PPM1G: variants seen among roughly 807,000 people sequenced by gnomAD.
The protein encoded by PPM1G is protein phosphatase, Mg2+/Mn2+ dependent 1G, also known as protein phosphatase 1G.
Under a neutral mutation model 59.4 loss-of-function variants are expected in PPM1G, and 12 were observed. That is an observed-to-expected ratio of 0.20 (90% confidence interval 0.13 to 0.33). The LOEUF is 0.33. PPM1G is among the 10% of genes least tolerant of loss of function. PPM1G has a pLI of 1.00. For missense variants in PPM1G, 392 were observed against 681.3 expected (o/e 0.58, Z 4.73); for synonymous variants, 245 against 251.9 (o/e 0.97, Z 0.26).
At chr2:27,390,749 C>T (rs1000926099) in intron 1 of PPM1G, among the ~76,000 whole-genome samples, 2 of 152,072 alleles carry the variant, frequency 1.3e-5, no homozygotes, top group East Asian at 1.9e-4. Flanking sequence ...TGACTGAACC[C>T]GTTTCCCAGG....
At position 27,384,190 on chromosome 2, in the gene PPM1G, C is replaced by A; in HGVS notation, c.826-98G>T. 6.4e-7 allele frequency: 1 copy of A among 1,552,654 alleles called. No homozygotes were observed. The highest frequency in any genetic ancestry group is 8.7e-7 in the Non-Finnish European group (1 of 1,147,140). Reference sequence around the variant, plus strand: ...CAAGAGGTCCTGACTGAACACAGGTCCTCAAAACACTGAAAGATACAAGTA... The same window carrying A: ...CAAGAGGTCCTGACTGAACACAGGTACTCAAAACACTGAAAGATACAAGTA... On this transcript the variant is annotated intron_variant, in intron 5 of 9. Transcript: ENST00000344034. The surrounding 1 kb of genome is among the most constrained non-coding windows in gnomAD (Gnocchi z 4.8).
Position 27,409,362 on chromosome 2 carries a change from G to C in PPM1G, c.61C>G (p.Pro21Ala). ...VKCSGDGVGA[P>A]RLPLPYGFSA... ...AAGCCGTAGGGCAGCGGCAGGCGCG[G>C]GGCGCCGACCCCGTCCCCGGAGCAC... The change falls in exon 1 of 10, where the codon CCG (proline) becomes GCG (alanine). Residue 21 changes from proline to alanine, a missense_variant. Around this residue, in one of 6 missense-constraint regions of PPM1G, gnomAD observed 68 missense variants for 145.9 expected, o/e 0.47. Coordinates refer to ENST00000344034, the MANE Select transcript of PPM1G (RefSeq NM_177983.3). 6.5e-7 allele frequency: 1 copy of C among 1,541,862 alleles called. No homozygotes were observed. Among genetic ancestry groups the C allele is most frequent in the Non-Finnish European group, 8.7e-7 (1 of 1,143,524 alleles).
intron 1 of PPM1G, among the ~76,000 whole-genome samples, chr2:27,397,021 C>CA (rs1489079213): frequency 6.6e-6 from 1 of 151,866 alleles, no homozygotes; most frequent in Non-Finnish European, 1.5e-5. Context: ...ATGCATGCAC[C>CA]ATCATGCCCA....
chr2:27,392,677 G>A, intron 1 of PPM1G: 1 of 706,918 alleles, frequency 1.4e-6, no homozygotes, highest in Non-Finnish European at 2.5e-6. Context: ...ACTTAAGTGG[G>A]TGTCTTGGAA....
chr2:27,387,290 G>C (rs1683791974), intron 1 of PPM1G, 132 bp from the exon 2 acceptor site: 3 of 657,182 alleles, frequency 4.6e-6, no homozygotes, highest in Non-Finnish European at 8.0e-6. Flanking sequence ...AAGGAAGAAG[G>C]AATGATAAAA....
chr2:27,409,375 G>A lies in PPM1G; in HGVS notation c.48C>T (p.Asp16=), dbSNP rs969503761. The part of the protein sequence containing the change: ...SQPNTVKCSG[D]GVGAPRLPLP... Reference sequence around the variant, plus strand: ...GCGGCAGGCGCGGGGCGCCGACCCCGTCCCCGGAGCACTTCACCGTGTTGG... The same window carrying A: ...GCGGCAGGCGCGGGGCGCCGACCCCATCCCCGGAGCACTTCACCGTGTTGG... The change falls in exon 1 of 10, where the codon GAC becomes GAT. Residue 16 remains aspartate, a synonymous_variant. Coordinates refer to ENST00000344034, the MANE Select transcript of PPM1G (RefSeq NM_177983.3). The A allele has an allele frequency of 3.2e-6, 5 of 1,541,374 alleles. No individual in the cohort carries two copies. The highest frequency in any genetic ancestry group is 2.8e-5 in the African/African-American group (2 of 71,500).
rs746316815 is a variant in PPM1G at position 27,382,514 on chromosome 2, G to A, written c.1293C>T (p.Asp431=). ...AGGCAATGACCATGAATTCATGGTCGTCAGTGAGAGTCAGCACCTTGATGT... is the reference window on the plus strand; with the variant it reads ...AGGCAATGACCATGAATTCATGGTCATCAGTGAGAGTCAGCACCTTGATGT... The part of the protein sequence containing the change: ...LPDIKVLTLT[D]DHEFMVIACD... Residue 431 remains aspartate (D), a synonymous_variant, in exon 8 of 10, where the codon GAC becomes GAT. Transcript: ENST00000344034. The surrounding 1 kb of genome is among the most constrained non-coding windows in gnomAD (Gnocchi z 4.2). 8.7e-6 allele frequency: 14 copies of A among 1,614,088 alleles called. No individual in the cohort carries two copies. Among genetic ancestry groups the A allele is most frequent in the South Asian group, 7.7e-5 (7 of 91,094 alleles).
chr2:27,388,748 G>A (rs890741251), intron 1 of PPM1G, among the ~76,000 whole-genome samples: 3 of 146,838 alleles, frequency 2.0e-5, no homozygotes, highest in South Asian at 2.2e-4. Flanking sequence ...GATGGTGGGC[G>A]CCTGTAGTCC....
At chr2:27,405,650 T>A (rs566567121) in intron 1 of PPM1G, among the ~76,000 whole-genome samples, 1 of 151,892 alleles carries the variant, frequency 6.6e-6, no homozygotes, top group East Asian at 2.0e-4. Context: ...CCCCTCGGCC[T>A]CCCAAACTGC....
chr2:27,384,888 T>C lies in PPM1G; in HGVS notation c.610A>G (p.Asn204Asp), dbSNP rs1350232874. 1 of 1,613,944 alleles carries C rather than the reference T, an allele frequency of 6.2e-7. No individual in the cohort carries two copies. Among genetic ancestry groups the C allele is most frequent in the Non-Finnish European group, 8.5e-7 (1 of 1,179,994 alleles). ...GTGTAGGCCTTGGCTGTGGGGCCAT[T>C]TTCTTGTGAAGGAGTTTCCCTAGTT... ...DSTRETPSQE[N>D]GPTAKAYTGF... Residue 204 changes from asparagine (N) to aspartate (D), a missense_variant, in exon 5 of 10, where the codon AAT becomes GAT. Physicochemically the swap from Asn to Asp is conservative, Grantham distance 23 (BLOSUM62 1). This residue lies in a region of PPM1G where 188 missense variants were observed against 248.8 expected (regional missense o/e 0.76). Transcript: ENST00000344034. The surrounding 1 kb of genome is among the most constrained non-coding windows in gnomAD (Gnocchi z 4.8).
intron 1 of PPM1G, among the ~76,000 whole-genome samples, chr2:27,396,671 T>C (rs1436888274): frequency 1.3e-5 from 2 of 151,326 alleles, no homozygotes; most frequent in African/African-American, 2.4e-5. Flanking sequence ...AAAAATTAAC[T>C]GGGCATGGTG....
Position 27,385,877 on chromosome 2 carries a change from A to T in PPM1G, c.279T>A (p.Ala93=). The T allele has an allele frequency of 6.2e-7, 1 of 1,611,702 alleles. No individual in the cohort carries two copies. The highest frequency in any genetic ancestry group is 1.1e-5 in the South Asian group (1 of 90,506). The change falls in exon 4 of 10, where the codon GCT becomes GCA. Residue 93 remains alanine, a splice_region_variant and synonymous_variant. Transcript: ENST00000344034. The surrounding 1 kb of genome is among the most constrained non-coding windows in gnomAD (Gnocchi z 4.1). The stretch of plus-strand genomic sequence containing the variant: ...CAATAGCCAAGAAGGCATCTTCTAA[A>T]GCCTGAATATAAGCAAAATAGTCTA... ...KAYKEGKLQK[A]LEDAFLAIDA... is the part of the protein sequence containing the mutation.
At chr2:27,397,565 G>GT (rs983479091) in intron 1 of PPM1G, among the ~76,000 whole-genome samples, 38 of 152,208 alleles carry the variant, frequency 2.5e-4, no homozygotes, top group African/African-American at 8.2e-4. Flanking sequence ...GCAATATAGC[G>GT]TATCGGTAGA....
In PPM1G at chr2:27,382,576, G is replaced by A. The variant is rs1193946407; in HGVS notation, c.1231C>T (p.Leu411=). The stretch of plus-strand genomic sequence containing the variant: ...GAAATCATCTGTTCCTCAGGTGGCA[G>A]GTTCTTGTTTCTCTTATAGAAGTGG... ...GDHFYKRNKN[L]PPEEQMISAL... is the part of the protein sequence containing the mutation. Residue 411 remains leucine (L), a synonymous_variant, in exon 8 of 10, where the codon CTG becomes TTG. Coordinates refer to ENST00000344034, the MANE Select transcript of PPM1G (RefSeq NM_177983.3). This position sits in a 1 kb window ranked among gnomAD's most constrained non-coding sequence, Gnocchi z 4.2. 2 of 1,614,212 alleles carry A rather than the reference G, an allele frequency of 1.2e-6. No homozygotes were observed. Among genetic ancestry groups the A allele is most frequent in the East Asian group, 2.2e-5 (1 of 44,884 alleles).
rs140989412 is a variant in PPM1G at position 27,397,220 on chromosome 2, A to G, written c.121-10062T>C. 5.8e-3 allele frequency among the ~76,000 whole-genome samples: 885 copies of G among 152,318 alleles called. 5 individuals are homozygous for G. The highest frequency in any genetic ancestry group is 0.02 in the African/African-American group (843 of 41,576). Reference sequence around the variant, plus strand: ...AAGCCAAAAACTTCCCACAAAGAAGAGCCCAGGCTCAGATGCCTTTATTTG... The same window carrying G: ...AAGCCAAAAACTTCCCACAAAGAAGGGCCCAGGCTCAGATGCCTTTATTTG... On this transcript the variant is annotated intron_variant, in intron 1 of 9. Transcript: ENST00000344034.
chr2:27,395,766 C>G (rs919877790), intron 1 of PPM1G, among the ~76,000 whole-genome samples: 2 of 151,198 alleles, frequency 1.3e-5, no homozygotes, highest in Admixed American at 6.6e-5. Context: ...ACTGCTTGAG[C>G]CCAGAGGTTG....
intron 1 of PPM1G, among the ~76,000 whole-genome samples, chr2:27,403,973 TAAGAA>T (rs757590474): frequency 6.6e-6 from 1 of 152,290 alleles, no homozygotes; most frequent in African/African-American, 2.4e-5. Flanking sequence ...AATCTGAAGA[TAAGAA>T]AATAAATGTT....
At chr2:27,407,790 T>G (rs1193698130) in intron 1 of PPM1G, among the ~76,000 whole-genome samples, 1 of 152,120 alleles carries the variant, frequency 6.6e-6, no homozygotes, top group Non-Finnish European at 1.5e-5. Flanking sequence ...GGTTCATGCC[T>G]GTAATCCTAG....
At chr2:27,404,289 T>A (rs1427808871) in intron 1 of PPM1G, among the ~76,000 whole-genome samples, 1 of 152,132 alleles carries the variant, frequency 6.6e-6, no homozygotes, top group Non-Finnish European at 1.5e-5. Context: ...AGCTCACATC[T>A]GTAATCCCAG....
Sources: allele counts gnomAD v4.1 joint callset (sites outside exome capture counted in the v4.1 genomes callset), GRCh38; gene constraint gnomAD v4.1.1; regional missense constraint gnomAD v4.1.1; non-coding constraint Gnocchi (gnomAD v3.1); transcripts MANE v1.5; gene names NCBI Gene and HGNC (gene_info 2026-07-23, HGNC 2026-07-21).